The following CHN1 variants were observed in gnomAD, a reference collection of about 807,000 sequenced individuals.
The protein encoded by CHN1 is N-chimaerin.
A neutral mutation model predicts 59.5 loss-of-function variants in CHN1; 37 were observed. That is an observed-to-expected ratio of 0.62 (90% CI 0.48 to 0.82). CHN1 has a LOEUF of 0.82. Ranked by LOEUF, CHN1 falls within the 40% of genes least tolerant of loss-of-function variation. CHN1 has a pLI of 0.00. For missense variants in CHN1, 469 were observed against 571.0 expected (o/e 0.82, Z 1.82); for synonymous variants, 206 against 200.4 (o/e 1.03, Z -0.24).
intron 11 of CHN1, among the ~76,000 whole-genome samples, chr2:174,807,547 G>A (rs909147698): frequency 6.9e-6 from 1 of 144,152 alleles, no homozygotes; most frequent in African/African-American, 2.6e-5. Context: ...AGACTTAACT[G>A]GAGAGGAAAT....
intron 6 of CHN1, among the ~76,000 whole-genome samples, chr2:174,866,658 T>C (rs889512385): frequency 7.9e-5 from 12 of 152,216 alleles, no homozygotes; most frequent in African/African-American, 2.7e-4. Context: ...AGCCCTTCTA[T>C]GCACACTGCA....
intron 6 of CHN1, among the ~76,000 whole-genome samples, chr2:174,868,100 C>CT (rs1687285906): frequency 6.6e-6 from 1 of 152,014 alleles, no homozygotes; most frequent in Non-Finnish European, 1.5e-5. Context: ...TCATATCTTT[C>CT]TAATTTTTTA....
chr2:174,921,133 T>G, intron 3 of CHN1: 1 of 328,108 alleles, frequency 3.0e-6, no homozygotes. Flanking sequence ...ATTCACCTCC[T>G]GCTGTGCAGC....
intron 5 of CHN1, among the ~76,000 whole-genome samples, chr2:174,897,788 A>G (rs1289769329): frequency 6.6e-6 from 1 of 152,242 alleles, no homozygotes; most frequent in Non-Finnish European, 1.5e-5. Flanking sequence ...GAACTGATTT[A>G]CAATCTATTC....
chr2:174,917,604 T>C (rs1358129202), intron 4 of CHN1, among the ~76,000 whole-genome samples: 1 of 152,146 alleles, frequency 6.6e-6, no homozygotes, highest in Non-Finnish European at 1.5e-5. Context: ...GATATGGTGT[T>C]ACTTCCAATA....
chr2:174,923,534 G>C (rs558639538), intron 3 of CHN1, among the ~76,000 whole-genome samples: 1 of 152,284 alleles, frequency 6.6e-6, no homozygotes, highest in East Asian at 1.9e-4. Context: ...AAGAGATCAC[G>C]ACCTTTCCTT....
Position 174,812,346 on chromosome 2 carries a change from C to T in CHN1, c.849G>A (p.Met283Ile), listed in dbSNP as rs1685104354. 1 of 1,613,900 alleles carries T rather than the reference C, an allele frequency of 6.2e-7. No homozygotes were observed. Among genetic ancestry groups the T allele is most frequent in the Middle Eastern group, 1.7e-4 (1 of 6,060 alleles). Reference protein sequence around the residue: ...LVKAHTTKRPMVVDMCIREIE... With the variant: ...LVKAHTTKRPIVVDMCIREIE... ...TCTCCCTGATGCACATGTCTACCAC[C>T]ATTGGCCGCTTAGTGGTATGTGCTT... Residue 283 changes from methionine (M) to isoleucine (I), a missense_variant, in exon 9 of 13, where the codon ATG (methionine) becomes ATA (isoleucine). Physicochemically the swap from Met to Ile is conservative, Grantham distance 10. Coordinates refer to ENST00000409900, the MANE Select transcript of CHN1 (RefSeq NM_001822.7).
chr2:174,867,056 C>A (rs1376131887), intron 6 of CHN1, among the ~76,000 whole-genome samples: 1 of 137,752 alleles, frequency 7.3e-6, no homozygotes, highest in Non-Finnish European at 1.5e-5. Flanking sequence ...CTTTTTTTTA[C>A]TTAATTTTTT....
intron 6 of CHN1, among the ~76,000 whole-genome samples, chr2:174,850,503 A>C (rs1430158677): frequency 1.3e-5 from 2 of 152,178 alleles, no homozygotes; most frequent in Non-Finnish European, 2.9e-5. Flanking sequence ...CTCACAGGTT[A>C]CTGGGAAGTT....
chr2:174,976,745 T>C (rs1286258267), intron 1 of CHN1, among the ~76,000 whole-genome samples: 1 of 152,232 alleles, frequency 6.6e-6, no homozygotes, highest in Non-Finnish European at 1.5e-5. Context: ...AATTGCAAAA[T>C]ATTTTTATTT....
rs918094980 is a variant in CHN1 at position 174,967,737 on chromosome 2, T to C, written c.20-15535A>G. Among the ~76,000 whole-genome samples, 3 of 152,240 alleles carry C rather than the reference T, an allele frequency of 2.0e-5. No individual in the cohort carries two copies. In the South Asian group the frequency reaches 6.2e-4, roughly 31 times the overall value. ...GTGGTCTCAGATAACCCTCACCTCC[T>C]TCAGCAGACCCACTATATAACCTCC... is the stretch of plus-strand genomic sequence containing the variant. On this transcript the variant is annotated intron_variant, in intron 1 of 12. Coordinates refer to ENST00000409900, the MANE Select transcript of CHN1 (RefSeq NM_001822.7).
intron 6 of CHN1, 88 bp downstream of exon 6, chr2:174,877,752 T>C: frequency 1.7e-6 from 2 of 1,204,460 alleles, no homozygotes; most frequent in Non-Finnish European, 1.2e-6. Context: ...CAAAGCACTG[T>C]GGATAAATCA....
At chr2:174,946,593 T>C (rs1689844060) in intron 2 of CHN1, among the ~76,000 whole-genome samples, 1 of 152,288 alleles carries the variant, frequency 6.6e-6, no homozygotes, top group African/African-American at 2.4e-5. Context: ...TATAGTTTTA[T>C]ATATTGTTAC....
At chr2:174,830,113 G>A (rs1226392104) in intron 7 of CHN1, among the ~76,000 whole-genome samples, 2 of 151,942 alleles carry the variant, frequency 1.3e-5, no homozygotes, top group African/African-American at 4.8e-5. Flanking sequence ...GGCACCTGTA[G>A]TCCCAGCTAC....
chr2:174,898,111 G>A (rs1688275510), intron 5 of CHN1, among the ~76,000 whole-genome samples: 1 of 152,030 alleles, frequency 6.6e-6, no homozygotes, highest in South Asian at 2.1e-4. Context: ...CCCCTCTGCC[G>A]TCTCATTAGC....
intron 10 of CHN1, chr2:174,810,983 T>G (rs910381232): frequency 5.9e-5 from 9 of 152,256 alleles, no homozygotes; most frequent in African/African-American, 2.2e-4. Context: ...ACTGAGCTTT[T>G]CTTTGACTGG....
intron 8 of CHN1, 135 bp from the exon 9 acceptor site, chr2:174,812,617 T>C: frequency 1.4e-6 from 1 of 691,760 alleles, no homozygotes; most frequent in South Asian, 2.2e-5. Flanking sequence ...CAGTTCTTTC[T>C]TGGTGGAAAA....
chr2:174,863,392 C>T (rs1687124608), intron 6 of CHN1, among the ~76,000 whole-genome samples: 3 of 152,114 alleles, frequency 2.0e-5, no homozygotes, highest in African/African-American at 7.2e-5. Context: ...TCACCACAGA[C>T]TGAACACAGA....
chr2:174,930,787 C>T (rs1308461929), intron 3 of CHN1, among the ~76,000 whole-genome samples: 3 of 149,722 alleles, frequency 2.0e-5, no homozygotes, highest in Admixed American at 6.6e-5. Context: ...TTTTTTGAGA[C>T]GGAGTCTCGC....
Sources: allele counts gnomAD v4.1 joint callset (sites outside exome capture counted in the v4.1 genomes callset), GRCh38; gene constraint gnomAD v4.1.1; transcripts MANE v1.5; gene names NCBI Gene and HGNC (gene_info 2026-07-23, HGNC 2026-07-21).